The following HSD17B12 variants were observed in gnomAD, a reference collection of about 807,000 sequenced individuals.
HSD17B12 encodes very-long-chain 3-oxoacyl-CoA reductase.
Under a neutral mutation model 39.3 loss-of-function variants are expected in HSD17B12, and 32 were observed. The observed-to-expected ratio is 0.81, with a 90% CI of 0.61 to 1.09. HSD17B12 has a LOEUF of 1.09. HSD17B12 is among the 50% of genes least tolerant of loss of function. The pLI is 0.00. For synonymous variants in HSD17B12, 150 were observed against 146.7 expected, an observed-to-expected ratio of 1.02 and a Z score of -0.16; for missense variants, 342 against 382.9, an observed-to-expected ratio of 0.89 and a Z score of 0.89.
the HSD17B12 span, among the ~76,000 whole-genome samples, chr11:43,621,994 A>G: frequency 2.0e-5 from 3 of 152,208 alleles, no homozygotes; most frequent in Non-Finnish European, 4.4e-5. Flanking sequence ...ACTGATCTGC[A>G]TCTGCTGAGT....
chr11:43,741,158 A>G (rs187200273), intron 1 of HSD17B12, among the ~76,000 whole-genome samples: 1 of 152,310 alleles, frequency 6.6e-6, no homozygotes, highest in Non-Finnish European at 1.5e-5. Flanking sequence ...CAACCAAGAG[A>G]TTATCTTAGG....
chr11:43,744,750 T>C (rs959722510), intron 1 of HSD17B12, among the ~76,000 whole-genome samples: 6 of 152,222 alleles, frequency 3.9e-5, no homozygotes, highest in African/African-American at 7.2e-5. Context: ...TATTCAGGAA[T>C]GTTCTCAGGA....
At chr11:43,642,179 G>T in the HSD17B12 span, among the ~76,000 whole-genome samples, 3 of 151,656 alleles carry the variant, frequency 2.0e-5, no homozygotes, top group Non-Finnish European at 4.4e-5. Context: ...CTAAAAACTT[G>T]AGGGAAATTA....
intron 1 of HSD17B12, among the ~76,000 whole-genome samples, chr11:43,706,890 G>A (rs1446230518): frequency 6.6e-6 from 1 of 152,042 alleles, no homozygotes; most frequent in Non-Finnish European, 1.5e-5. Context: ...AAGATGAATA[G>A]GAAAGCTATT....
chr11:43,789,089 G>T (rs1950843835), intron 3 of HSD17B12, among the ~76,000 whole-genome samples: 1 of 152,108 alleles, frequency 6.6e-6, no homozygotes. Context: ...TTCTGGTTTT[G>T]CCAACATCTG....
chr11:43,735,900 G>C (rs992153254), intron 1 of HSD17B12, among the ~76,000 whole-genome samples: 1 of 152,172 alleles, frequency 6.6e-6, no homozygotes, highest in Admixed American at 6.5e-5. Flanking sequence ...ACTGCCACAC[G>C]CTTTTAAACC....
At chr11:43,654,396 T>C in the HSD17B12 span, among the ~76,000 whole-genome samples, 1 of 152,174 alleles carries the variant, frequency 6.6e-6, no homozygotes, top group African/African-American at 2.4e-5. Flanking sequence ...GCTCTTTAGT[T>C]TAATTAGATC....
intron 4 of HSD17B12, among the ~76,000 whole-genome samples, chr11:43,810,392 T>TATATATATATATATATATAG (rs1951060519): frequency 2.1e-5 from 2 of 94,342 alleles, no homozygotes; most frequent in African/African-American, 3.8e-5. Flanking sequence ...TATATATATA[T>TATATATATATATATATATAG]ATATATATAT....
chr11:43,571,652 A>G, the HSD17B12 span, among the ~76,000 whole-genome samples: 11 of 152,198 alleles, frequency 7.2e-5, no homozygotes, highest in East Asian at 1.9e-4. Flanking sequence ...AAGTTGAACA[A>G]TGTTACTTTC....
intron 1 of HSD17B12, among the ~76,000 whole-genome samples, chr11:43,727,714 T>C (rs1950233603): frequency 6.6e-6 from 1 of 152,150 alleles, no homozygotes; most frequent in Admixed American, 6.5e-5. Context: ...TATTTGGTGT[T>C]ATGGTAAAAC....
chr11:43,790,955 T>C (rs1950862501), intron 3 of HSD17B12, among the ~76,000 whole-genome samples: 1 of 151,894 alleles, frequency 6.6e-6, no homozygotes, highest in African/African-American at 2.4e-5. Context: ...GATTGCACCA[T>C]TGCATTCCAG....
the HSD17B12 span, among the ~76,000 whole-genome samples, chr11:43,620,057 C>A: frequency 2.0e-5 from 3 of 152,314 alleles, no homozygotes; most frequent in African/African-American, 4.8e-5. Flanking sequence ...CACTTTAAAG[C>A]AGCTGCATTG....
the HSD17B12 span, among the ~76,000 whole-genome samples, chr11:43,638,348 C>A: frequency 2.0e-5 from 3 of 152,016 alleles, no homozygotes; most frequent in Admixed American, 2.0e-4. Flanking sequence ...GAAGGGAAAG[C>A]GGACATTCCT....
intron 3 of HSD17B12, among the ~76,000 whole-genome samples, chr11:43,767,963 C>A (rs1458262072): frequency 3.3e-5 from 5 of 152,174 alleles, no homozygotes; most frequent in African/African-American, 9.7e-5. Flanking sequence ...AAAACATACT[C>A]CTCACATGAT....
At chr11:43,776,371 T>C (rs1310158965) in intron 3 of HSD17B12, among the ~76,000 whole-genome samples, 1 of 152,020 alleles carries the variant, frequency 6.6e-6, no homozygotes, top group African/African-American at 2.4e-5. Context: ...GTGAGCATTT[T>C]TTCATGTGTG....
At chr11:43,742,332 G>T (rs1950375557) in intron 1 of HSD17B12, among the ~76,000 whole-genome samples, 1 of 150,858 alleles carries the variant, frequency 6.6e-6, no homozygotes. Flanking sequence ...TGTAGGATTG[G>T]GGTCTCGCTA....
At chr11:43,840,267 G>A (rs998277338) in intron 9 of HSD17B12, among the ~76,000 whole-genome samples, 1 of 152,026 alleles carries the variant, frequency 6.6e-6, no homozygotes, top group African/African-American at 2.4e-5. Context: ...TTCAAGTAGG[G>A]ATACCTAAAG....
chr11:43,604,512 A>G, the HSD17B12 span, among the ~76,000 whole-genome samples: 1 of 152,208 alleles, frequency 6.6e-6, no homozygotes, highest in African/African-American at 2.4e-5. Context: ...TTTAAGGGCC[A>G]CAAAAGTGAT....
At chr11:43,803,100 T>A (rs1950986703) in intron 4 of HSD17B12, among the ~76,000 whole-genome samples, 1 of 152,236 alleles carries the variant, frequency 6.6e-6, no homozygotes, top group African/African-American at 2.4e-5. Context: ...GTAATTTTAA[T>A]TTCTCAAGAT....
Sources: gnomAD v4.1 joint callset for allele counts (sites outside exome capture counted in the v4.1 genomes callset) on GRCh38, gnomAD v4.1.1 for gene constraint, MANE v1.5 for transcripts, NCBI Gene and HGNC (gene_info 2026-07-23, HGNC 2026-07-21) for gene names.